The following SMCHD1 variants were observed in gnomAD, a reference collection of about 807,000 sequenced individuals.
The protein encoded by SMCHD1 is structural maintenance of chromosomes flexible hinge domain containing 1, also known as structural maintenance of chromosomes flexible hinge domain-containing protein 1.
SMCHD1 carries 78 observed loss-of-function variants against 254.7 expected under a neutral mutation model. That is an observed-to-expected ratio of 0.31 (90% CI 0.26 to 0.37). SMCHD1 has a LOEUF of 0.37. SMCHD1 is among the 10% of genes least tolerant of loss of function. SMCHD1 has a pLI of 1.00. For missense variants in SMCHD1, 1,840 were observed against 2,408.1 expected (o/e 0.76, Z 4.94); for synonymous variants, 766 against 794.9 (o/e 0.96, Z 0.61).
At chr18:2,780,570 G>C (rs2076142228) in intron 44 of SMCHD1, among the ~76,000 whole-genome samples, 1 of 152,192 alleles carries the variant, frequency 6.6e-6, no homozygotes, top group African/African-American at 2.4e-5. Context: ...TAACTAATAG[G>C]ATGGTAACCG....
intron 19 of SMCHD1, among the ~76,000 whole-genome samples, chr18:2,721,865 C>G (rs1459198611): frequency 6.6e-6 from 1 of 152,138 alleles, no homozygotes; most frequent in Non-Finnish European, 1.5e-5. Context: ...GAGTTTGTAT[C>G]AGAATCACCT....
intron 28 of SMCHD1, among the ~76,000 whole-genome samples, chr18:2,743,066 G>A (rs1014828623): frequency 2.6e-5 from 4 of 152,166 alleles, no homozygotes; most frequent in Non-Finnish European, 5.9e-5. Context: ...AGAAATTTAA[G>A]ATGAATAAAT....
rs1291107162 is a variant in SMCHD1 at position 2,655,777 on chromosome 18, G to A, written c.-299G>A. 2 of 267,552 alleles carry A rather than the reference G, an allele frequency of 7.5e-6. No homozygotes were observed. The highest frequency in any genetic ancestry group is 1.4e-5 in the Non-Finnish European group (2 of 142,884). 16.6% of individuals were successfully genotyped at this position (267,552 alleles called of 1,614,324 possible). On this transcript the variant is annotated 5_prime_UTR_variant, in exon 1 of 48. Coordinates refer to ENST00000320876, the MANE Select transcript of SMCHD1 (RefSeq NM_015295.3). ...GGGTCGCACCGTGAGGCTCGCGTGG[G>A]CGGCGATAGGCGCTGGGCCCGGGCC...
intron 36 of SMCHD1, among the ~76,000 whole-genome samples, chr18:2,762,670 G>C (rs1377612890): frequency 6.6e-6 from 1 of 151,758 alleles, no homozygotes; most frequent in Non-Finnish European, 1.5e-5. Flanking sequence ...TTTCTGTGGG[G>C]TTTTGCTGTG....
intron 44 of SMCHD1, among the ~76,000 whole-genome samples, chr18:2,779,919 T>C (rs2076126508): frequency 6.6e-6 from 1 of 152,056 alleles, no homozygotes; most frequent in Non-Finnish European, 1.5e-5. Context: ...CTGGTATGAG[T>C]AATTTTTCTT....
chr18:2,782,346 A>C (rs1244077700), intron 44 of SMCHD1, among the ~76,000 whole-genome samples: 1 of 152,216 alleles, frequency 6.6e-6, no homozygotes, highest in African/African-American at 2.4e-5. Context: ...GAATCATTAT[A>C]AAAGGAGAGC....
chr18:2,716,329 A>C (rs368771964), intron 17 of SMCHD1, among the ~76,000 whole-genome samples: 1 of 152,154 alleles, frequency 6.6e-6, no homozygotes, highest in Non-Finnish European at 1.5e-5. Flanking sequence ...GCACTGCACA[A>C]TTGTTTTAGC....
intron 3 of SMCHD1, among the ~76,000 whole-genome samples, chr18:2,671,023 G>T (rs182411979): frequency 0.03 from 4,340 of 142,482 alleles, 224 homozygotes; most frequent in African/African-American, 0.11. Context: ...CGCAACCTCC[G>T]CCTCCTGGGT....
chr18:2,780,976 G>T lies in SMCHD1; in HGVS notation c.5547+2737G>T, dbSNP rs115338624. On this transcript the variant is annotated intron_variant, in intron 44 of 47. Transcript: ENST00000320876. ...TGGCAAGAGAGTCAGGATTCTAAGT[G>T]GAAGTGGGAACCTGGAGAGACAAAC... Among the ~76,000 whole-genome samples the T allele has an allele frequency of 3.8e-3, 573 of 152,342 alleles. 3 individuals carry two copies. Among genetic ancestry groups the T allele is most frequent in the African/African-American group, 0.013 (539 of 41,578 alleles).
intron 2 of SMCHD1, among the ~76,000 whole-genome samples, 163 bp downstream of exon 2, chr18:2,666,395 G>A (rs967042252): frequency 2.0e-5 from 3 of 152,202 alleles, no homozygotes; most frequent in African/African-American, 7.2e-5. Flanking sequence ...TCTGCACAGA[G>A]GTTATATTTT....
In SMCHD1 at chr18:2,687,244, T is replaced by C. The variant is rs115382275; in HGVS notation, c.639-1150T>C. ...ATGTAGTCCTTAAAAAAATTACTTTTGTATGTGTTGTATTATGGTGACCTC... is the reference window on the plus strand; with the variant it reads ...ATGTAGTCCTTAAAAAAATTACTTTCGTATGTGTTGTATTATGGTGACCTC... On this transcript the variant is annotated intron_variant, in intron 5 of 47. Coordinates refer to ENST00000320876, the MANE Select transcript of SMCHD1 (RefSeq NM_015295.3). Among the ~76,000 whole-genome samples the C allele has an allele frequency of 4.1e-3, 628 of 152,316 alleles. 4 individuals are homozygous for C. Among genetic ancestry groups the C allele is most frequent in the African/African-American group, 0.015 (607 of 41,570 alleles).
intron 5 of SMCHD1, among the ~76,000 whole-genome samples, chr18:2,678,734 G>GT (rs2073836550): frequency 6.6e-6 from 1 of 151,886 alleles, no homozygotes; most frequent in African/African-American, 2.4e-5. Context: ...ACTCTCTCTA[G>GT]TGGCTCCATT....
chr18:2,684,855 G>A lies in SMCHD1; in HGVS notation c.639-3539G>A, dbSNP rs980720191. Among the ~76,000 whole-genome samples the A allele has an allele frequency of 5.9e-5, 9 of 151,798 alleles. No individual in the cohort carries two copies. In the South Asian group the frequency reaches 8.3e-4, roughly 14 times the overall value. Reference sequence around the variant, plus strand: ...GTATTAAGTAATACTAAACCACTTCGCATATAAATACATCACAACAGTATA... The same window carrying A: ...GTATTAAGTAATACTAAACCACTTCACATATAAATACATCACAACAGTATA... On this transcript the variant is annotated intron_variant, in intron 5 of 47. Transcript: ENST00000320876.
chr18:2,748,389 A>AT lies in SMCHD1; in HGVS notation c.3927+742_3927+743insT, dbSNP rs1378317162. ...GTGTGTGTGTGTGTGTGTGTATATA[A>AT]ATTTTTTTTTTTTTTTTTTTGGAGA... On this transcript the variant is annotated intron_variant, in intron 30 of 47. Coordinates refer to ENST00000320876, the MANE Select transcript of SMCHD1 (RefSeq NM_015295.3). 1.8e-3 allele frequency among the ~76,000 whole-genome samples: 41 copies of AT among 22,652 alleles called. 3 individuals carry two copies. Among genetic ancestry groups the AT allele is most frequent in the Middle Eastern group, 0.017 (1 of 60 alleles). 14.9% of individuals were successfully genotyped at this position (22,652 alleles called of 152,430 possible).
intron 12 of SMCHD1, 132 bp from the exon 13 acceptor site, chr18:2,703,560 A>G (rs1352776576): frequency 1.5e-6 from 1 of 679,016 alleles, no homozygotes; most frequent in Non-Finnish European, 2.4e-6. Context: ...GATCCAGCAG[A>G]ATATTTAATT....
rs913539469 is a variant in SMCHD1, at chr18:2,718,582, G to T, written c.2458+148G>T. The T allele has an allele frequency of 1.5e-6, 1 of 663,334 alleles. No homozygotes were observed. The highest frequency in any genetic ancestry group is 2.3e-6 in the Non-Finnish European group (1 of 429,324). 41.1% of individuals were successfully genotyped at this position (663,334 alleles called of 1,614,324 possible). ...ATTTTCTTACTTACTTTGAGATGGG[G>T]TCTCATTCTGTCACCCAGGCTGGAG... On this transcript the variant is annotated intron_variant, in intron 19 of 47. Coordinates refer to ENST00000320876, the MANE Select transcript of SMCHD1 (RefSeq NM_015295.3). The surrounding 1 kb of genome is among the most constrained non-coding windows in gnomAD (Gnocchi z 4.6).
At chr18:2,720,521 C>T (rs2074902175) in intron 19 of SMCHD1, among the ~76,000 whole-genome samples, 1 of 152,192 alleles carries the variant, frequency 6.6e-6, no homozygotes, top group African/African-American at 2.4e-5. Context: ...GAATAGGGCA[C>T]TTGAAAATTT....
At chr18:2,784,866 A>G in intron 45 of SMCHD1, 1 of 514,566 alleles carries the variant, frequency 1.9e-6, no homozygotes, top group Non-Finnish European at 3.7e-6. Context: ...GTTCCCAGCT[A>G]CTCAGGAGGC....
chr18:2,678,260 T>C (rs1195729422), intron 5 of SMCHD1, among the ~76,000 whole-genome samples: 1 of 130,804 alleles, frequency 7.6e-6, no homozygotes, highest in African/African-American at 3.0e-5. Flanking sequence ...TCTTTCTCTC[T>C]CTCTCTCTCT....
Sources: gnomAD v4.1 joint callset for allele counts (sites outside exome capture counted in the v4.1 genomes callset) on GRCh38, gnomAD v4.1.1 for gene constraint, Gnocchi (gnomAD v3.1) non-coding constraint, MANE v1.5 for transcripts, NCBI Gene and HGNC (gene_info 2026-07-23, HGNC 2026-07-21) for gene names.